The following CRB1 variants were observed in gnomAD, a reference collection of about 807,000 sequenced individuals.
The protein encoded by CRB1 is protein crumbs homolog 1.
A neutral mutation model predicts 120.0 loss-of-function variants in CRB1; 83 were observed. The ratio of observed to expected loss-of-function variants is 0.69; its 90% CI spans 0.58 to 0.83. The LOEUF (loss-of-function observed/expected upper bound fraction) is 0.83, where lower values mean the gene tolerates loss of function less well. Ranked by LOEUF, CRB1 falls within the 40% of genes least tolerant of loss-of-function variation. CRB1 has a pLI of 0.00. For missense variants in CRB1, 1,699 were observed against 1,687.6 expected, an observed-to-expected ratio of 1.01 and a Z score of -0.12; for synonymous variants, 625 against 612.5, an observed-to-expected ratio of 1.02 and a Z score of -0.30.
At chr1:197,464,673 T>G (rs1666677187) in intron 11 of CRB1, among the ~76,000 whole-genome samples, 1 of 152,164 alleles carries the variant, frequency 6.6e-6, no homozygotes. Context: ...CTCTAAGCAA[T>G]TACTTCAAAA....
At chr1:197,429,672 C>T in intron 8 of CRB1, 58 bp downstream of exon 8, 2 of 1,532,436 alleles carry the variant, frequency 1.3e-6, no homozygotes, top group South Asian at 1.1e-5. Flanking sequence ...TGAGTTGTTC[C>T]AAGAGCAAAC....
At chr1:197,455,611 T>C (rs1310152741) in intron 11 of CRB1, among the ~76,000 whole-genome samples, 2 of 152,126 alleles carry the variant, frequency 1.3e-5, no homozygotes, top group Non-Finnish European at 2.9e-5. Context: ...TGAGAACAAA[T>C]TGAATAGCAT....
At chr1:197,303,907 G>A (rs1045740796) in intron 1 of CRB1, among the ~76,000 whole-genome samples, 3 of 152,170 alleles carry the variant, frequency 2.0e-5, no homozygotes, top group African/African-American at 7.2e-5. Flanking sequence ...AGTGTAGCAT[G>A]AGCCCAGGAG....
chr1:197,296,702 C>T (rs1042666888), intron 1 of CRB1, among the ~76,000 whole-genome samples: 3 of 152,022 alleles, frequency 2.0e-5, no homozygotes, highest in Non-Finnish European at 2.9e-5. Flanking sequence ...CGATAATTCC[C>T]ACATGTTGTC....
chr1:197,275,731 A>G (rs1419413594), intron 1 of CRB1, among the ~76,000 whole-genome samples: 3 of 152,122 alleles, frequency 2.0e-5, no homozygotes, highest in Admixed American at 6.6e-5. Flanking sequence ...GCTGTCTTCC[A>G]TATGTGAATG....
chr1:197,279,203 T>C (rs995464715), intron 1 of CRB1, among the ~76,000 whole-genome samples: 8 of 151,992 alleles, frequency 5.3e-5, no homozygotes, highest in African/African-American at 1.9e-4. Flanking sequence ...ATTTCACTTA[T>C]CATTAGCACC....
At chr1:197,308,242 A>G (rs1183475578) in intron 1 of CRB1, among the ~76,000 whole-genome samples, 2 of 152,202 alleles carry the variant, frequency 1.3e-5, no homozygotes, top group Admixed American at 6.5e-5. Flanking sequence ...TTAAGCACAC[A>G]TGGACATAAA....
intron 1 of CRB1, among the ~76,000 whole-genome samples, chr1:197,295,086 T>G (rs954731013): frequency 1.4e-4 from 22 of 151,984 alleles, no homozygotes; most frequent in African/African-American, 4.8e-4. Flanking sequence ...TTTGTTTTAC[T>G]TGAGTGTTTG....
At chr1:197,246,313 T>G in the CRB1 span, among the ~76,000 whole-genome samples, 1 of 152,104 alleles carries the variant, frequency 6.6e-6, no homozygotes, top group Non-Finnish European at 1.5e-5. Context: ...CTTACTAGGT[T>G]GCCCCTTTCC....
At chr1:197,232,976 C>A in the CRB1 span, among the ~76,000 whole-genome samples, 1 of 151,796 alleles carries the variant, frequency 6.6e-6, no homozygotes, top group African/African-American at 2.4e-5. Flanking sequence ...AGATATACTT[C>A]GGATTTATTT....
the CRB1 span, among the ~76,000 whole-genome samples, chr1:197,206,704 A>G: frequency 6.6e-6 from 1 of 152,050 alleles, no homozygotes; most frequent in Non-Finnish European, 1.5e-5. Flanking sequence ...CTGATGATAT[A>G]TTCTGTAGTT....
the CRB1 span, among the ~76,000 whole-genome samples, chr1:197,259,800 A>G: frequency 5.3e-5 from 8 of 152,178 alleles, no homozygotes; most frequent in Non-Finnish European, 7.3e-5. Flanking sequence ...GAAATAGACC[A>G]ACTGCTTAGA....
chr1:197,405,727 C>G (rs925603494), intron 5 of CRB1, among the ~76,000 whole-genome samples: 5 of 151,912 alleles, frequency 3.3e-5, no homozygotes, highest in African/African-American at 1.2e-4. Context: ...TGCCCAGCCG[C>G]CCTGTCTGAG....
intron 11 of CRB1, among the ~76,000 whole-genome samples, chr1:197,456,272 C>T (rs553647797): frequency 1.3e-5 from 2 of 152,098 alleles, no homozygotes; most frequent in South Asian, 4.1e-4. Context: ...TTGACTTTTT[C>T]AGTAGCCAGC....
the CRB1 span, among the ~76,000 whole-genome samples, chr1:197,203,782 AT>A: frequency 6.6e-6 from 1 of 152,360 alleles, no homozygotes; most frequent in Non-Finnish European, 1.5e-5. Flanking sequence ...TTTAAATCCT[AT>A]GGATTAATTA....
At chr1:197,460,001 C>CTTTTTTTTTTTTTTTTTT (rs10679172) in intron 11 of CRB1, among the ~76,000 whole-genome samples, 5 of 75,644 alleles carry the variant, frequency 6.6e-5, no homozygotes, top group African/African-American at 2.2e-4. Flanking sequence ...AAGCCCCCCT[C>CTTTTTTTTTTTTTTTTTT]TTTTTTTTTT....
At chr1:197,222,270 A>G in the CRB1 span, 1 of 563,988 alleles carries the variant, frequency 1.8e-6, no homozygotes, top group African/African-American at 1.9e-5. Context: ...TGTTTGAGGG[A>G]ACGAGTTTAG....
At chr1:197,424,123 C>G (rs574166799) in intron 6 of CRB1, among the ~76,000 whole-genome samples, 1 of 152,172 alleles carries the variant, frequency 6.6e-6, no homozygotes, top group South Asian at 2.1e-4. Context: ...ATTATAGTTT[C>G]CTAGATATAG....
chr1:197,455,554 G>A lies in CRB1; in HGVS notation c.4005+13262G>A, dbSNP rs114338659. ...TCTTTTATAACTTACATTGCCTTTA[G>A]GAAATGCAGTTGCACCTCATTGAAT... On this transcript the variant is annotated intron_variant, in intron 11 of 11. Coordinates refer to ENST00000367400, the MANE Select transcript of CRB1 (RefSeq NM_201253.3). Among the ~76,000 whole-genome samples the A allele has an allele frequency of 6.3e-3, 964 of 152,030 alleles. 7 individuals carry two copies. Among genetic ancestry groups the A allele is most frequent in the Non-Finnish European group, 0.01 (700 of 67,970 alleles).
Sources: gnomAD v4.1 joint callset for allele counts (sites outside exome capture counted in the v4.1 genomes callset) on GRCh38, gnomAD v4.1.1 for gene constraint, MANE v1.5 for transcripts, NCBI Gene and HGNC (gene_info 2026-07-23, HGNC 2026-07-21) for gene names.